DYM: variants seen among roughly 807,000 people sequenced by gnomAD.
DYM encodes dymeclin.
In DYM, 78 loss-of-function variants were observed where a neutral mutation model predicts 93.1. The observed-to-expected ratio is 0.84, with a 90% CI of 0.70 to 1.01. The LOEUF is 1.01. Ranked by LOEUF, DYM falls within the 50% of genes least tolerant of loss-of-function variation. The pLI is 0.00. For synonymous variants in DYM, 321 were observed against 319.7 expected (o/e 1.00, Z -0.04); for missense variants, 789 against 845.0 (o/e 0.93, Z 0.82).
At chr18:49,274,978 T>C (rs889616115) in intron 10 of DYM, among the ~76,000 whole-genome samples, 42 of 152,214 alleles carry the variant, frequency 2.8e-4, no homozygotes, top group African/African-American at 9.6e-4. Flanking sequence ...CGTTTTTATT[T>C]TGATGCAGTT....
intron 1 of DYM, among the ~76,000 whole-genome samples, chr18:49,434,164 T>G (rs1190137390): frequency 6.6e-6 from 1 of 151,870 alleles, no homozygotes; most frequent in South Asian, 2.1e-4. Flanking sequence ...GCCAACATGG[T>G]GAAACCCCGT....
At chr18:49,393,962 G>T (rs553390983) in intron 2 of DYM, among the ~76,000 whole-genome samples, 16 of 152,104 alleles carry the variant, frequency 1.1e-4, no homozygotes, top group Non-Finnish European at 2.1e-4. Context: ...GTAAAAAGGT[G>T]ATTGCCAGGG....
chr18:49,147,534 A>G (rs1041689331), intron 15 of DYM, among the ~76,000 whole-genome samples: 1 of 152,234 alleles, frequency 6.6e-6, no homozygotes, highest in African/African-American at 2.4e-5. Context: ...TGGGCGAAGG[A>G]TATGAACAGA....
chr18:49,289,725 GTGTATATATATATATATATA>G (rs2059920033), intron 8 of DYM, among the ~76,000 whole-genome samples: 1 of 13,740 alleles, frequency 7.3e-5, no homozygotes, highest in African/African-American at 1.6e-4. Flanking sequence ...ATATATATAT[GTGTATATATATATATATATA>G]TATATATATA....
At chr18:49,415,378 G>A (rs77702607) in intron 2 of DYM, among the ~76,000 whole-genome samples, 11,085 of 144,424 alleles carry the variant, frequency 0.077, 666 homozygotes, top group East Asian at 0.31. Flanking sequence ...GAATTAAAAC[G>A]ATATACACCA....
chr18:49,199,901 T>C (rs1042872836), intron 14 of DYM, among the ~76,000 whole-genome samples: 1 of 152,062 alleles, frequency 6.6e-6, no homozygotes, highest in Non-Finnish European at 1.5e-5. Flanking sequence ...AAAGTATTCC[T>C]AAATTTGAAA....
At chr18:49,148,545 C>T (rs542626755) in intron 15 of DYM, among the ~76,000 whole-genome samples, 10 of 152,072 alleles carry the variant, frequency 6.6e-5, no homozygotes, top group East Asian at 3.9e-4. Context: ...GTGCAAGCCC[C>T]GGCACCAAGC....
chr18:49,215,738 A>G (rs546797839), intron 13 of DYM, among the ~76,000 whole-genome samples: 1 of 152,378 alleles, frequency 6.6e-6, no homozygotes, highest in South Asian at 2.1e-4. Context: ...TTGCATCTCA[A>G]GTGGTAATGA....
In DYM at chr18:49,258,853, G is replaced by GAGAGATAGCAC. The variant is rs1435827853; in HGVS notation, c.1252-361_1252-360insGTGCTATCTCT. Among the ~76,000 whole-genome samples the GAGAGATAGCAC allele has an allele frequency of 6.1e-4, 59 of 96,150 alleles. 2 individuals are homozygous for GAGAGATAGCAC. Among genetic ancestry groups the GAGAGATAGCAC allele is most frequent in the African/African-American group, 2.2e-3 (50 of 22,354 alleles). The allele number at this position is 96,150 out of a possible 152,430, so 63.1% of individuals were successfully genotyped here. ...ACACACACACACAGAGAGAGAGAGA[G>GAGAGATAGCAC]AGAGAGAGAGAGAGAGAGAGAGAGA... On this transcript the variant is annotated intron_variant, in intron 11 of 17. Transcript: ENST00000675505.
intron 14 of DYM, among the ~76,000 whole-genome samples, chr18:49,203,072 G>C (rs113234793): frequency 1.8e-4 from 2 of 10,964 alleles, no homozygotes; most frequent in Non-Finnish European, 5.2e-4. Flanking sequence ...CCCTCCGCCC[G>C]GCCAGCCGCC....
At chr18:49,283,775 A>G (rs1473988450) in intron 9 of DYM, among the ~76,000 whole-genome samples, 1 of 152,236 alleles carries the variant, frequency 6.6e-6, no homozygotes, top group South Asian at 2.1e-4. Flanking sequence ...CTGTGCTCTT[A>G]TGGAAAAAGA....
intron 17 of DYM, among the ~76,000 whole-genome samples, chr18:49,071,898 A>T (rs988768093): frequency 6.6e-6 from 1 of 152,204 alleles, no homozygotes; most frequent in Non-Finnish European, 1.5e-5. Flanking sequence ...TTCTACTGCT[A>T]CTGCTATCAA....
intron 1 of DYM, among the ~76,000 whole-genome samples, chr18:49,460,005 T>A (rs1431772828): frequency 1.3e-5 from 2 of 152,148 alleles, no homozygotes; most frequent in Non-Finnish European, 2.9e-5. Context: ...CACTGAGTTG[T>A]ACTTTTAAAG....
chr18:49,064,354 C>T (rs1014334590), intron 17 of DYM, among the ~76,000 whole-genome samples: 1 of 152,202 alleles, frequency 6.6e-6, no homozygotes, highest in Non-Finnish European at 1.5e-5. Flanking sequence ...TTAAGCTAAT[C>T]TTTTTATTCT....
In DYM at chr18:49,125,876, G is replaced by A. The variant is rs142529809; in HGVS notation, c.1729-6950C>T. Among the ~76,000 whole-genome samples the A allele has an allele frequency of 2.5e-3, 376 of 152,278 alleles. 1 individual carries two copies. The highest frequency in any genetic ancestry group is 8.5e-3 in the African/African-American group (354 of 41,560). On this transcript the variant is annotated intron_variant, in intron 15 of 17. Transcript: ENST00000675505. Reference sequence around the variant, plus strand: ...TCTGTCGCCCTACTCCTACTCGCCAGTCTTCAGTCTATTCCACTGTTATAG... The same window carrying A: ...TCTGTCGCCCTACTCCTACTCGCCAATCTTCAGTCTATTCCACTGTTATAG...
chr18:49,336,104 G>A (rs2063651051), intron 6 of DYM, among the ~76,000 whole-genome samples: 1 of 152,182 alleles, frequency 6.6e-6, no homozygotes, highest in Non-Finnish European at 1.5e-5. Context: ...ATGAGCCATC[G>A]TGCCAGACTG....
intron 15 of DYM, among the ~76,000 whole-genome samples, chr18:49,143,805 A>G (rs2084791869): frequency 6.6e-6 from 1 of 152,058 alleles, no homozygotes; most frequent in African/African-American, 2.4e-5. Context: ...AGTATAATGA[A>G]CCTCCATGTA....
chr18:49,050,580 C>T (rs1056050845), intron 17 of DYM, among the ~76,000 whole-genome samples: 1 of 152,010 alleles, frequency 6.6e-6, no homozygotes, highest in Non-Finnish European at 1.5e-5. Flanking sequence ...CTGAGCCACA[C>T]GGGGCTGCGG....
Position 49,286,573 on chromosome 18 carries a change from T to A in DYM, c.807A>T (p.Lys269Asn), listed in dbSNP as rs1178039019. The change falls in exon 9 of 18, where the codon AAA becomes AAT. Residue 269 changes from lysine to asparagine, a missense_variant. Physicochemically the swap from Lys to Asn is moderately conservative, Grantham distance 94. Transcript: ENST00000675505. ...TVFTLGGVGS[K>N]AAASPELSSP... ...AAGAAAGCTCTGGAGAGGCAGCCGC[T>A]TTGCTGCCCACACCACCTAGTGTGA... is the stretch of plus-strand genomic sequence containing the variant. The A allele has an allele frequency of 6.2e-7, 1 of 1,614,032 alleles. No homozygotes were observed. Among genetic ancestry groups the A allele is most frequent in the Admixed American group, 1.7e-5 (1 of 60,010 alleles).
Sources: allele counts gnomAD v4.1 joint callset (sites outside exome capture counted in the v4.1 genomes callset), GRCh38; gene constraint gnomAD v4.1.1; transcripts MANE v1.5; gene names NCBI Gene and HGNC (gene_info 2026-07-23, HGNC 2026-07-21).